Variants in GTF2A1L observed in about 807,000 individuals in gnomAD.
GTF2A1L encodes TFIIA-alpha and beta-like factor.
A neutral mutation model predicts 49.7 loss-of-function variants in GTF2A1L; 48 were observed. The observed-to-expected ratio is 0.97, with a 90% CI of 0.77 to 1.23. The LOEUF (loss-of-function observed/expected upper bound fraction) is 1.23, where lower values mean the gene tolerates loss of function less well. Ranked by LOEUF, GTF2A1L falls within the 50% of genes most tolerant of loss-of-function variation. The pLI, the probability that GTF2A1L is intolerant of heterozygous loss-of-function variation, is 0.00. For missense variants in GTF2A1L, 736 were observed against 564.8 expected, an observed-to-expected ratio of 1.30 and a Z score of -3.07; for synonymous variants, 246 against 193.5, an observed-to-expected ratio of 1.27 and a Z score of -2.25.
chr2:48,622,581 G>A (rs959172514), intron 3 of GTF2A1L, among the ~76,000 whole-genome samples: 1 of 152,158 alleles, frequency 6.6e-6, no homozygotes, highest in African/African-American at 2.4e-5. Flanking sequence ...TTTATCAGAA[G>A]AGGCCGAGGT....
At chr2:48,638,793 G>T (rs1343438930) in intron 3 of GTF2A1L, among the ~76,000 whole-genome samples, 4 of 152,110 alleles carry the variant, frequency 2.6e-5, no homozygotes, top group African/African-American at 9.7e-5. Flanking sequence ...GTCCCTATTT[G>T]CAGATGATAT....
In GTF2A1L at chr2:48,646,556, G is replaced by A; in HGVS notation, c.492G>A (p.Gln164=). 2 of 1,614,116 alleles carry A rather than the reference G, an allele frequency of 1.2e-6. No individual in the cohort carries two copies. The highest frequency in any genetic ancestry group is 1.7e-6 in the Non-Finnish European group (2 of 1,180,040). ...PIQQVFQQLG[Q]PSVIQTSVPQ... The stretch of plus-strand genomic sequence containing the variant: ...AGCAAGTATTTCAACAGCTTGGCCA[G>A]CCTTCAGTAATACAAACTAGTGTTC... Residue 164 remains glutamine, a synonymous_variant, in exon 6 of 9, where the codon CAG becomes CAA. Coordinates refer to ENST00000403751, the MANE Select transcript of GTF2A1L (RefSeq NM_006872.5).
chr2:48,643,693 A>ATTTTTTTTT (rs71399070), intron 4 of GTF2A1L, among the ~76,000 whole-genome samples: 2 of 120,786 alleles, frequency 1.7e-5, no homozygotes, highest in Admixed American at 9.9e-5. Context: ...TATTAATACA[A>ATTTTTTTTT]TTTTTTTTTT....
In GTF2A1L at chr2:48,669,808, A is replaced by G. The variant is rs530441789; in HGVS notation, c.1065A>G (p.Thr355=). 1.9e-6 allele frequency: 3 copies of G among 1,614,104 alleles called. No individual in the cohort carries two copies. In the Admixed American group the frequency reaches 5.0e-5, roughly 27 times the overall value. The change falls in exon 7 of 9, where the codon ACA becomes ACG. Residue 355 remains threonine (T), a synonymous_variant. Coordinates refer to ENST00000403751, the MANE Select transcript of GTF2A1L (RefSeq NM_006872.5). ...EIIQVDGSGD[T]SSNEEIGSTR... ...TTCAAGTAGATGGAAGCGGTGATAC[A>G]TCTTCCAATGAAGAAATAGGAAGTA...
At chr2:48,677,486 A>T (rs752381999) in intron 8 of GTF2A1L, among the ~76,000 whole-genome samples, 12 of 152,028 alleles carry the variant, frequency 7.9e-5, no homozygotes, top group Admixed American at 1.3e-4. Flanking sequence ...TTCAGGGAAC[A>T]GTGCAGAGGC....
chr2:48,621,084 T>G, intron 2 of GTF2A1L, 83 bp from the exon 3 acceptor site: 1 of 1,527,296 alleles, frequency 6.5e-7, no homozygotes, highest in Admixed American at 2.1e-5. Context: ...ATGACGTTAG[T>G]TTTTAAGAAA....
chr2:48,627,005 T>A (rs1292849699), intron 3 of GTF2A1L, among the ~76,000 whole-genome samples: 1 of 143,908 alleles, frequency 6.9e-6, no homozygotes, highest in African/African-American at 2.5e-5. Flanking sequence ...CTTTACTGAG[T>A]TCATCCTCTT....
rs1011933752 is a variant in GTF2A1L at position 48,627,706 on chromosome 2, A to G, written c.247+6416A>G. ...TAAAAATGGTGTTTCTTGAAAAAAG[A>G]GGCCATGTTTTTTTTTCTTTTCAAC... On this transcript the variant is annotated intron_variant, in intron 3 of 8. Coordinates refer to ENST00000403751, the MANE Select transcript of GTF2A1L (RefSeq NM_006872.5). Among the ~76,000 whole-genome samples the G allele has an allele frequency of 1.9e-4, 28 of 144,002 alleles. 3 individuals carry two copies. The highest frequency in any genetic ancestry group is 6.2e-4 in the African/African-American group (25 of 40,608). The allele number at this position is 144,002 out of a possible 152,430, so 94.5% of individuals were successfully genotyped here. A position where few individuals can be genotyped will look rare whatever the true frequency, so the allele number is the denominator to read the frequency against.
chr2:48,648,829 A>T (rs1224479160), intron 6 of GTF2A1L, among the ~76,000 whole-genome samples: 1 of 152,166 alleles, frequency 6.6e-6, no homozygotes, highest in Non-Finnish European at 1.5e-5. Context: ...ATCCAAACGT[A>T]CAAGAGTATA....
Position 48,646,566 on chromosome 2 carries a change from A to G in GTF2A1L, c.502A>G (p.Ile168Val). The stretch of plus-strand genomic sequence containing the variant: ...TCAACAGCTTGGCCAGCCTTCAGTA[A>G]TACAAACTAGTGTTCCACAATTGAA... ...VFQQLGQPSV[I>V]QTSVPQLNPW... The change falls in exon 6 of 9, where the codon ATA becomes GTA. Residue 168 changes from isoleucine (I) to valine (V), a missense_variant. By Grantham distance (29) the Ile-to-Val change is conservative. Transcript: ENST00000403751. The G allele has an allele frequency of 6.2e-7, 1 of 1,614,180 alleles. No individual in the cohort carries two copies. Among genetic ancestry groups the G allele is most frequent in the Non-Finnish European group, 8.5e-7 (1 of 1,180,036 alleles).
At chr2:48,658,060 A>T (rs1678278528) in intron 6 of GTF2A1L, among the ~76,000 whole-genome samples, 1 of 151,848 alleles carries the variant, frequency 6.6e-6, no homozygotes, top group Admixed American at 6.6e-5. Flanking sequence ...TAGATTGTTC[A>T]CTCTGTTGAT....
At chr2:48,666,452 G>T (rs1284583117) in intron 6 of GTF2A1L, among the ~76,000 whole-genome samples, 3 of 152,038 alleles carry the variant, frequency 2.0e-5, no homozygotes, top group African/African-American at 4.8e-5. Flanking sequence ...CTTGTGATCT[G>T]CCCACCTCGG....
chr2:48,638,762 T>C (rs2104153891), intron 3 of GTF2A1L, among the ~76,000 whole-genome samples: 1 of 152,196 alleles, frequency 6.6e-6, no homozygotes, highest in African/African-American at 2.4e-5. Flanking sequence ...GACATCCAAA[T>C]AGAAAAGAAG....
chr2:48,619,362 C>G (rs1675844960), intron 1 of GTF2A1L, among the ~76,000 whole-genome samples: 1 of 151,618 alleles, frequency 6.6e-6, no homozygotes, highest in South Asian at 2.1e-4. Flanking sequence ...GCCAGCTACT[C>G]TGGATGCTGA....
At chr2:48,663,824 G>T (rs1234488384) in intron 6 of GTF2A1L, among the ~76,000 whole-genome samples, 2 of 152,158 alleles carry the variant, frequency 1.3e-5, no homozygotes, top group South Asian at 4.2e-4. Flanking sequence ...TAGAGATAAG[G>T]TTGGTCTTGA....
chr2:48,655,966 C>T (rs955216592), intron 6 of GTF2A1L, among the ~76,000 whole-genome samples: 2 of 152,108 alleles, frequency 1.3e-5, no homozygotes, highest in Admixed American at 6.6e-5. Flanking sequence ...CTTCATTTAG[C>T]GTAATATCTC....
In GTF2A1L at chr2:48,674,346, A is replaced by G. The variant is rs113982404; in HGVS notation, c.1329+2666A>G. 4.5e-3 allele frequency among the ~76,000 whole-genome samples: 683 copies of G among 152,208 alleles called. 5 individuals carry two copies. The highest frequency in any genetic ancestry group is 0.015 in the African/African-American group (635 of 41,538). ...TGCGGTTTTGATTTGTGTTTCCCTGATAACTAATGCGTATTTACATATTTA... is the reference window on the plus strand; with the variant it reads ...TGCGGTTTTGATTTGTGTTTCCCTGGTAACTAATGCGTATTTACATATTTA... On this transcript the variant is annotated intron_variant, in intron 8 of 8. Coordinates refer to ENST00000403751, the MANE Select transcript of GTF2A1L (RefSeq NM_006872.5).
At chr2:48,669,008 T>G (rs1329243953) in intron 6 of GTF2A1L, among the ~76,000 whole-genome samples, 1 of 152,128 alleles carries the variant, frequency 6.6e-6, no homozygotes, top group East Asian at 1.9e-4. Context: ...ATTTTTTACT[T>G]TTGTTGTGCT....
intron 1 of GTF2A1L, 128 bp downstream of exon 1, chr2:48,618,023 G>C: frequency 1.1e-6 from 1 of 945,244 alleles, no homozygotes; most frequent in Non-Finnish European, 1.6e-6. Flanking sequence ...CTCTTCCTTA[G>C]GGGCTGGGGC....
Sources: gnomAD v4.1 joint callset for allele counts (sites outside exome capture counted in the v4.1 genomes callset) on GRCh38, gnomAD v4.1.1 for gene constraint, MANE v1.5 for transcripts, NCBI Gene and HGNC (gene_info 2026-07-23, HGNC 2026-07-21) for gene names.